Variants in NLGN1 observed in about 807,000 individuals in gnomAD.
NLGN1 encodes neuroligin 1, also known as neuroligin-1.
A neutral mutation model predicts 65.5 loss-of-function variants in NLGN1; 12 were observed. The observed-to-expected ratio is 0.18, with a 90% CI of 0.12 to 0.30. NLGN1 has a LOEUF of 0.30. NLGN1 is among the 10% of genes least tolerant of loss of function. The pLI is 1.00. For missense variants in NLGN1, 750 were observed against 1,007.1 expected (o/e 0.74, Z 3.46); for synonymous variants, 350 against 359.5 (o/e 0.97, Z 0.30).
At chr3:174,196,384 ATACT>A (rs1393506104) in intron 4 of NLGN1, among the ~76,000 whole-genome samples, 1 of 152,172 alleles carries the variant, frequency 6.6e-6, no homozygotes, top group Non-Finnish European at 1.5e-5. Flanking sequence ...ATGCAAAATT[ATACT>A]TACTTAGATT....
At chr3:174,095,959 C>T (rs889366565) in intron 4 of NLGN1, among the ~76,000 whole-genome samples, 3 of 151,876 alleles carry the variant, frequency 2.0e-5, no homozygotes, top group Non-Finnish European at 4.4e-5. Flanking sequence ...AAGATCGCGC[C>T]ACTGCACTCC....
At chr3:173,678,551 C>A (rs1763490613) in intron 3 of NLGN1, among the ~76,000 whole-genome samples, 1 of 152,008 alleles carries the variant, frequency 6.6e-6, no homozygotes, top group South Asian at 2.1e-4. Context: ...GAAAGATCCA[C>A]ATCATGGAGG....
chr3:173,683,192 G>A (rs1171255854), intron 3 of NLGN1, among the ~76,000 whole-genome samples: 2 of 152,206 alleles, frequency 1.3e-5, no homozygotes, highest in South Asian at 4.1e-4. Flanking sequence ...AAAATACAGA[G>A]ATCTAATTTG....
At chr3:174,140,547 A>T (rs1722089659) in intron 4 of NLGN1, among the ~76,000 whole-genome samples, 1 of 152,154 alleles carries the variant, frequency 6.6e-6, no homozygotes, top group African/African-American at 2.4e-5. Flanking sequence ...GCAAAAAGAA[A>T]GTAAATTTCT....
chr3:173,453,737 G>A lies in NLGN1; in HGVS notation c.-321+18659G>A, dbSNP rs574906983. 1.6e-3 allele frequency among the ~76,000 whole-genome samples: 247 copies of A among 152,210 alleles called. 1 individual carries two copies. The highest frequency in any genetic ancestry group is 3.1e-3 in the Non-Finnish European group (213 of 68,008). On this transcript the variant is annotated intron_variant, in intron 2 of 6. Transcript: ENST00000457714. ...CTCTACTTTTAATTCTAGTTCTCTT[G>A]CTGTTTTTACCAGATCTGCAGTTAC...
chr3:174,263,536 G>A (rs1340454412), intron 4 of NLGN1, among the ~76,000 whole-genome samples: 1 of 151,102 alleles, frequency 6.6e-6, no homozygotes, highest in African/African-American at 2.4e-5. Context: ...CATTTGCTTG[G>A]TAGATCTTCC....
At chr3:174,231,787 C>T (rs79794904) in intron 4 of NLGN1, among the ~76,000 whole-genome samples, 16,613 of 152,198 alleles carry the variant, frequency 0.11, 1,114 homozygotes, top group Non-Finnish European at 0.16. Flanking sequence ...TGTTGACACG[C>T]TTTCAAAATT....
At chr3:174,146,258 CA>C (rs1179982204) in intron 4 of NLGN1, among the ~76,000 whole-genome samples, 1 of 151,976 alleles carries the variant, frequency 6.6e-6, no homozygotes, top group Non-Finnish European at 1.5e-5. Context: ...AGCAAATCAT[CA>C]TGTTGTACAC....
At chr3:173,862,312 C>A (rs1450287535) in intron 4 of NLGN1, among the ~76,000 whole-genome samples, 1 of 150,644 alleles carries the variant, frequency 6.6e-6, no homozygotes, top group Non-Finnish European at 1.5e-5. Context: ...CGAGACCATC[C>A]CGGCTAAAAC....
chr3:173,871,755 T>G (rs902170389), intron 4 of NLGN1, among the ~76,000 whole-genome samples: 3 of 152,116 alleles, frequency 2.0e-5, no homozygotes, highest in Admixed American at 6.5e-5. Flanking sequence ...CGGTTCTTTT[T>G]CCTCCAGTAG....
intron 4 of NLGN1, among the ~76,000 whole-genome samples, chr3:174,226,305 C>T (rs572917776): frequency 6.6e-6 from 1 of 152,254 alleles, no homozygotes; most frequent in African/African-American, 2.4e-5. Flanking sequence ...CCCTTACCCA[C>T]CACCCCTGGT....
intron 4 of NLGN1, among the ~76,000 whole-genome samples, chr3:174,092,519 T>TAA (rs56980219): frequency 0.022 from 3,169 of 147,242 alleles, 48 homozygotes; most frequent in Non-Finnish European, 0.028. Context: ...TGGCAATTAT[T>TAA]AAAAAAAAAA....
intron 3 of NLGN1, among the ~76,000 whole-genome samples, chr3:173,799,329 A>G (rs111434105): frequency 2.6e-5 from 4 of 152,064 alleles, no homozygotes; most frequent in African/African-American, 9.6e-5. Flanking sequence ...TATGTCAATT[A>G]TGTGACACTT....
chr3:173,547,270 T>C (rs147388985), intron 2 of NLGN1, among the ~76,000 whole-genome samples: 258 of 152,288 alleles, frequency 1.7e-3, no homozygotes, highest in African/African-American at 5.8e-3. Flanking sequence ...ACTACAGTCT[T>C]GTAAATCTTT....
chr3:173,895,777 C>T (rs1425576951), intron 4 of NLGN1, among the ~76,000 whole-genome samples: 3 of 151,794 alleles, frequency 2.0e-5, no homozygotes, highest in African/African-American at 7.3e-5. Context: ...TACAACCTCT[C>T]CCTCCTGGGT....
At chr3:173,898,526 T>C (rs1736734589) in intron 4 of NLGN1, among the ~76,000 whole-genome samples, 1 of 152,206 alleles carries the variant, frequency 6.6e-6, no homozygotes, top group Non-Finnish European at 1.5e-5. Flanking sequence ...AGACCTGGTA[T>C]TAAGCATTAA....
At chr3:173,680,003 G>C (rs1169744509) in intron 3 of NLGN1, among the ~76,000 whole-genome samples, 3 of 152,042 alleles carry the variant, frequency 2.0e-5, no homozygotes, top group African/African-American at 7.2e-5. Flanking sequence ...TATTGGACCA[G>C]TACTTGAAAA....
At chr3:173,781,329 A>G (rs1211274258) in intron 3 of NLGN1, among the ~76,000 whole-genome samples, 1 of 152,110 alleles carries the variant, frequency 6.6e-6, no homozygotes, top group Non-Finnish European at 1.5e-5. Context: ...TTTCTGTGCA[A>G]ATAGGATGAT....
At chr3:174,026,646 A>G (rs1174516619) in intron 4 of NLGN1, among the ~76,000 whole-genome samples, 1 of 152,174 alleles carries the variant, frequency 6.6e-6, no homozygotes, top group Non-Finnish European at 1.5e-5. Flanking sequence ...GAGAAGTTGG[A>G]TAAAACAGGT....
Sources: allele counts gnomAD v4.1 joint callset (sites outside exome capture counted in the v4.1 genomes callset), GRCh38; gene constraint gnomAD v4.1.1; transcripts MANE v1.5; gene names NCBI Gene and HGNC (gene_info 2026-07-23, HGNC 2026-07-21).